The following CRPPA variants were observed in gnomAD, a reference collection of about 807,000 sequenced individuals.
The protein encoded by CRPPA is D-ribitol-5-phosphate cytidylyltransferase.
CRPPA carries 43 observed loss-of-function variants against 52.0 expected under a neutral mutation model. That is an observed-to-expected ratio of 0.83 (90% CI 0.65 to 1.07). The LOEUF is 1.07. Among genes scored for constraint, CRPPA ranks in the 50% least tolerant of loss-of-function variants. The pLI is 0.00. For missense variants in CRPPA, 629 were observed against 551.7 expected (o/e 1.14, Z -1.40); for synonymous variants, 250 against 203.5 (o/e 1.23, Z -1.94).
At chr7:16,235,904 T>C (rs1421578794) in intron 8 of CRPPA, 1 of 152,078 alleles carries the variant, frequency 6.6e-6, no homozygotes, top group Non-Finnish European at 1.5e-5. Context: ...ACTCTCAGGG[T>C]TGCTCTGAAG....
intron 9 of CRPPA, among the ~76,000 whole-genome samples, chr7:16,196,845 C>T (rs895474465): frequency 4.6e-5 from 7 of 152,078 alleles, no homozygotes; most frequent in Non-Finnish European, 8.8e-5. Context: ...ATCTAGATCA[C>T]TCTTAGAGTT....
At chr7:16,313,427 T>G (rs1785078091) in intron 3 of CRPPA, among the ~76,000 whole-genome samples, 1 of 151,890 alleles carries the variant, frequency 6.6e-6, no homozygotes. Flanking sequence ...CTTTCATTTC[T>G]GTATTAATTT....
intron 3 of CRPPA, among the ~76,000 whole-genome samples, chr7:16,312,878 T>G (rs1785063445): frequency 6.6e-6 from 1 of 151,942 alleles, no homozygotes; most frequent in African/African-American, 2.4e-5. Context: ...ATGAAATACA[T>G]TAGATTTTGA....
At chr7:16,354,953 T>C (rs1786257004) in intron 3 of CRPPA, among the ~76,000 whole-genome samples, 1 of 152,158 alleles carries the variant, frequency 6.6e-6, no homozygotes, top group Non-Finnish European at 1.5e-5. Context: ...CAATATGCTA[T>C]AAAAATGTAC....
chr7:16,219,561 AG>A (rs1272044596), intron 8 of CRPPA, among the ~76,000 whole-genome samples: 3 of 113,662 alleles, frequency 2.6e-5, no homozygotes, highest in Non-Finnish European at 5.6e-5. Context: ...CTAATAAAGA[AG>A]AAAAGAGAGA....
chr7:16,396,671 C>T (rs1489606999), intron 2 of CRPPA, among the ~76,000 whole-genome samples: 3 of 152,202 alleles, frequency 2.0e-5, no homozygotes, highest in Non-Finnish European at 4.4e-5. Context: ...ATGGAACCAG[C>T]CCAAATGCCC....
At chr7:16,338,535 G>GA (rs58514650) in intron 3 of CRPPA, among the ~76,000 whole-genome samples, 37,941 of 151,520 alleles carry the variant, frequency 0.25, 5,060 homozygotes, top group Admixed American at 0.32. Context: ...ACCTGGCTAA[G>GA]AAAAAAAGAG....
chr7:16,216,709 A>G (rs1351406154), intron 8 of CRPPA: 1 of 154,672 alleles, frequency 6.5e-6, no homozygotes, highest in Non-Finnish European at 1.4e-5. Context: ...GGTCACTCCC[A>G]CCCGAATATT....
chr7:16,344,404 C>CGAA (rs1785950513), intron 3 of CRPPA, among the ~76,000 whole-genome samples: 1 of 36,798 alleles, frequency 2.7e-5, no homozygotes, highest in Non-Finnish European at 7.2e-5. Flanking sequence ...CTATCTCTAC[C>CGAA]CAAAAAAAAA....
At chr7:16,204,917 T>G (rs1781936865) in intron 9 of CRPPA, among the ~76,000 whole-genome samples, 1 of 152,212 alleles carries the variant, frequency 6.6e-6, no homozygotes, top group South Asian at 2.1e-4. Context: ...TATTTTTCTT[T>G]ACTGTATATT....
intron 6 of CRPPA, among the ~76,000 whole-genome samples, chr7:16,276,257 A>T (rs1372944766): frequency 6.6e-6 from 1 of 152,160 alleles, no homozygotes; most frequent in Non-Finnish European, 1.5e-5. Flanking sequence ...CCAAACAGAA[A>T]AAAACTAAAG....
intron 9 of CRPPA, among the ~76,000 whole-genome samples, chr7:16,124,268 G>A (rs925689444): frequency 6.6e-6 from 1 of 151,744 alleles, no homozygotes; most frequent in African/African-American, 2.4e-5. Context: ...AGCTCATTGT[G>A]GTTTAGATTT....
At chr7:16,248,991 G>A (rs187366961) in intron 8 of CRPPA, among the ~76,000 whole-genome samples, 1 of 152,322 alleles carries the variant, frequency 6.6e-6, no homozygotes, top group East Asian at 1.9e-4. Flanking sequence ...CTCGCTGCTA[G>A]TACAGCAGTC....
chr7:16,365,522 T>C (rs1786568262), intron 3 of CRPPA, among the ~76,000 whole-genome samples: 1 of 152,106 alleles, frequency 6.6e-6, no homozygotes. Context: ...CAGTGAATAA[T>C]GAACCCAGAA....
chr7:16,162,729 C>A (rs986625484), intron 9 of CRPPA, among the ~76,000 whole-genome samples: 1 of 151,902 alleles, frequency 6.6e-6, no homozygotes, highest in Non-Finnish European at 1.5e-5. Flanking sequence ...TCCTGAATAT[C>A]CTTGTTAATT....
chr7:16,276,203 T>C (rs1269286573), intron 6 of CRPPA, among the ~76,000 whole-genome samples: 2 of 152,086 alleles, frequency 1.3e-5, no homozygotes. Flanking sequence ...CCAAAGAACA[T>C]GTAAGCTTCA....
chr7:16,189,812 C>A (rs1781572059), intron 9 of CRPPA, among the ~76,000 whole-genome samples: 1 of 152,054 alleles, frequency 6.6e-6, no homozygotes. Flanking sequence ...GAATACAGAC[C>A]ACACAGAGAA....
chr7:16,221,353 C>T (rs1289580040), intron 8 of CRPPA, among the ~76,000 whole-genome samples: 1 of 152,156 alleles, frequency 6.6e-6, no homozygotes, highest in East Asian at 1.9e-4. Flanking sequence ...TAGAAGAAAA[C>T]CTAGGCATCA....
chr7:16,414,376 CACACACACACACACACACACACACA>C (rs1788141185), intron 1 of CRPPA, among the ~76,000 whole-genome samples: 6 of 54,558 alleles, frequency 1.1e-4, no homozygotes, highest in Admixed American at 3.9e-4. Context: ...CACACACACA[CACACACACACACACACACACACACA>C]CCCCATGACA....
Sources: allele counts gnomAD v4.1 joint callset (sites outside exome capture counted in the v4.1 genomes callset), GRCh38; gene constraint gnomAD v4.1.1; transcripts MANE v1.5; gene names NCBI Gene and HGNC (gene_info 2026-07-23, HGNC 2026-07-21).